The following SCHIP1 variants were observed in gnomAD, a reference collection of about 807,000 sequenced individuals.
SCHIP1 encodes schwannomin-interacting protein 1.
A neutral mutation model predicts 29.7 loss-of-function variants in SCHIP1; 8 were observed. The ratio of observed to expected loss-of-function variants is 0.27; its 90% CI spans 0.16 to 0.49. The LOEUF (loss-of-function observed/expected upper bound fraction) is 0.49, where lower values mean the gene tolerates loss of function less well. SCHIP1 is among the 20% of genes least tolerant of loss of function. The pLI, the probability that SCHIP1 is intolerant of heterozygous loss-of-function variation, is 0.99. For synonymous variants in SCHIP1, 76 were observed against 94.9 expected (o/e 0.80, Z 1.16); for missense variants, 193 against 294.6 (o/e 0.66, Z 2.52).
At chr3:159,818,975 T>G in the SCHIP1 span, among the ~76,000 whole-genome samples, 1 of 152,246 alleles carries the variant, frequency 6.6e-6, no homozygotes, top group East Asian at 1.9e-4. Context: ...TTTCTGATCA[T>G]CAGGAATCCC....
At chr3:159,506,420 T>A in the SCHIP1 span, among the ~76,000 whole-genome samples, 1 of 152,258 alleles carries the variant, frequency 6.6e-6, no homozygotes, top group Admixed American at 6.5e-5. Flanking sequence ...GTAGGTTGCC[T>A]GTTCACTCTG....
the SCHIP1 span, among the ~76,000 whole-genome samples, chr3:159,385,771 G>T: frequency 6.6e-6 from 1 of 152,006 alleles, no homozygotes; most frequent in Admixed American, 6.6e-5. Flanking sequence ...TGTTACATAG[G>T]TATACATGTG....
the SCHIP1 span, among the ~76,000 whole-genome samples, chr3:159,785,118 C>T: frequency 6.6e-6 from 1 of 152,174 alleles, no homozygotes; most frequent in African/African-American, 2.4e-5. Context: ...GAGACTGAAC[C>T]AGAGCTAGAG....
chr3:159,393,035 G>C, the SCHIP1 span, among the ~76,000 whole-genome samples: 2 of 152,138 alleles, frequency 1.3e-5, no homozygotes, highest in Non-Finnish European at 2.9e-5. Flanking sequence ...TCTCATTGTG[G>C]TTTTGGTTTG....
chr3:159,295,278 AACT>A, the SCHIP1 span, among the ~76,000 whole-genome samples: 1 of 126,152 alleles, frequency 7.9e-6, no homozygotes. Flanking sequence ...AAAAAAAAAC[AACT>A]AGCCAGGCAT....
the SCHIP1 span, among the ~76,000 whole-genome samples, chr3:159,814,745 GGC>G: frequency 6.6e-6 from 1 of 152,142 alleles, no homozygotes; most frequent in Non-Finnish European, 1.5e-5. Flanking sequence ...CTATGAATTG[GGC>G]CCTGAAGCTG....
At chr3:159,788,105 A>C in the SCHIP1 span, among the ~76,000 whole-genome samples, 1 of 152,202 alleles carries the variant, frequency 6.6e-6, no homozygotes, top group African/African-American at 2.4e-5. Flanking sequence ...CTGGAGACTA[A>C]GCTCTGCTGC....
At chr3:159,867,066 T>C (rs1431542524) in intron 2 of SCHIP1, among the ~76,000 whole-genome samples, 1 of 152,112 alleles carries the variant, frequency 6.6e-6, no homozygotes, top group African/African-American at 2.4e-5. Context: ...CTTTGATTAG[T>C]GAAAGTATAG....
chr3:159,489,744 A>C, the SCHIP1 span, among the ~76,000 whole-genome samples: 1 of 152,164 alleles, frequency 6.6e-6, no homozygotes, highest in Admixed American at 6.5e-5. Context: ...AATATGGTTA[A>C]ATTATATTTA....
chr3:159,503,286 C>G, the SCHIP1 span, among the ~76,000 whole-genome samples: 1 of 152,134 alleles, frequency 6.6e-6, no homozygotes, highest in Non-Finnish European at 1.5e-5. Flanking sequence ...TTTCTTTGAC[C>G]AAGTCCAAGA....
the SCHIP1 span, among the ~76,000 whole-genome samples, chr3:159,521,034 A>G: frequency 6.6e-6 from 1 of 152,236 alleles, no homozygotes; most frequent in Admixed American, 6.5e-5. Flanking sequence ...AAGAGAGCAT[A>G]TTAAAATAAA....
the SCHIP1 span, among the ~76,000 whole-genome samples, chr3:159,536,487 C>T: frequency 1.3e-5 from 2 of 152,180 alleles, no homozygotes; most frequent in African/African-American, 4.8e-5. Flanking sequence ...TTACCAACTT[C>T]TAAATCAATG....
At chr3:159,371,577 C>A in the SCHIP1 span, among the ~76,000 whole-genome samples, 1 of 152,150 alleles carries the variant, frequency 6.6e-6, no homozygotes, top group Non-Finnish European at 1.5e-5. Flanking sequence ...TATGGAAGTG[C>A]TTTGCAAATT....
At chr3:159,417,427 C>T in the SCHIP1 span, among the ~76,000 whole-genome samples, 5 of 152,132 alleles carry the variant, frequency 3.3e-5, no homozygotes, top group Admixed American at 1.3e-4. Flanking sequence ...GGTAAGCATA[C>T]GAATTATACA....
the SCHIP1 span, among the ~76,000 whole-genome samples, chr3:159,697,756 A>G: frequency 6.8e-6 from 1 of 148,092 alleles, no homozygotes; most frequent in Non-Finnish European, 1.5e-5. Flanking sequence ...TGGATAATCT[A>G]AAAAAAAAAG....
chr3:159,750,166 T>C, the SCHIP1 span, among the ~76,000 whole-genome samples: 232 of 151,476 alleles, frequency 1.5e-3, no homozygotes, highest in Non-Finnish European at 2.7e-3. Flanking sequence ...AGTTTATTCA[T>C]AGAGTAGAAT....
chr3:159,717,189 C>A, the SCHIP1 span, among the ~76,000 whole-genome samples: 262 of 152,200 alleles, frequency 1.7e-3, no homozygotes, highest in African/African-American at 6.1e-3. Flanking sequence ...CCAATGATAA[C>A]AAAGACACAA....
chr3:159,740,691 G>A, the SCHIP1 span, among the ~76,000 whole-genome samples: 7 of 141,980 alleles, frequency 4.9e-5, no homozygotes, highest in Admixed American at 3.8e-4. Context: ...TGGGCCACAG[G>A]TATGCCCCTA....
chr3:159,273,578 C>T, the SCHIP1 span: 2 of 1,274,570 alleles, frequency 1.6e-6, no homozygotes, highest in Non-Finnish European at 2.0e-6. Flanking sequence ...CTTCATCTCC[C>T]AAAAAGCTCT....
Sources: gnomAD v4.1 joint callset for allele counts (sites outside exome capture counted in the v4.1 genomes callset) on GRCh38, gnomAD v4.1.1 for gene constraint, MANE v1.5 for transcripts, NCBI Gene and HGNC (gene_info 2026-07-23, HGNC 2026-07-21) for gene names.